GPC5: variants seen among roughly 807,000 people sequenced by gnomAD.
GPC5 encodes the protein glypican 5, also known as glypican-5.
In GPC5, 47 loss-of-function variants were observed where a neutral mutation model predicts 53.9. The observed-to-expected ratio is 0.87, with a 90% CI of 0.69 to 1.11. The LOEUF (loss-of-function observed/expected upper bound fraction) is 1.11. Among genes scored for constraint, GPC5 ranks in the 50% most tolerant of loss-of-function variants. The pLI, the probability that GPC5 is intolerant of heterozygous loss-of-function variation, is 0.00. For missense variants in GPC5, 748 were observed against 713.1 expected (o/e 1.05, Z -0.56); for synonymous variants, 286 against 263.3 (o/e 1.09, Z -0.84).
intron 7 of GPC5, among the ~76,000 whole-genome samples, chr13:92,841,084 A>G (rs538821893): frequency 3.3e-5 from 5 of 152,120 alleles, no homozygotes; most frequent in Non-Finnish European, 5.9e-5. Context: ...TTCCTTTCCA[A>G]TTCATATGCC....
At chr13:91,658,389 T>TG (rs2034899777) in intron 2 of GPC5, among the ~76,000 whole-genome samples, 1 of 141,256 alleles carries the variant, frequency 7.1e-6, no homozygotes, top group Admixed American at 7.0e-5. Context: ...GGGGAATTTT[T>TG]TGGGGGGATA....
At chr13:92,239,786 C>T (rs1203948252) in intron 7 of GPC5, 2 of 34,112 alleles carry the variant, frequency 5.9e-5, no homozygotes, top group African/African-American at 2.0e-4. Context: ...GCTGGATTTC[C>T]ACCTGCAAAT....
At chr13:92,063,348 G>A (rs570911875) in intron 6 of GPC5, among the ~76,000 whole-genome samples, 1 of 152,038 alleles carries the variant, frequency 6.6e-6, no homozygotes, top group African/African-American at 2.4e-5. Flanking sequence ...AAAATGTCAT[G>A]GTGAAGTATT....
chr13:92,599,073 C>A (rs1252488711), intron 7 of GPC5, among the ~76,000 whole-genome samples: 2 of 151,960 alleles, frequency 1.3e-5, no homozygotes, highest in Middle Eastern at 3.2e-3. Context: ...TTGGTTTTTA[C>A]AAAACAATAA....
intron 5 of GPC5, among the ~76,000 whole-genome samples, chr13:91,826,696 T>C (rs2038581167): frequency 6.6e-6 from 1 of 152,002 alleles, no homozygotes; most frequent in African/African-American, 2.4e-5. Flanking sequence ...AATTGACAAA[T>C]AGATCACTAA....
chr13:92,241,736 T>C (rs1393930378), intron 7 of GPC5: 1 of 152,172 alleles, frequency 6.6e-6, no homozygotes, highest in Non-Finnish European at 1.5e-5. Flanking sequence ...TTCTCTATTT[T>C]CATCTAAAAG....
rs1956418734 is a variant in GPC5 at position 91,613,382 on chromosome 13, C to T, written c.326-79805C>T. 2.0e-5 allele frequency among the ~76,000 whole-genome samples: 3 copies of T among 152,196 alleles called. 1 individual carries two copies. The highest frequency in any genetic ancestry group is 1.9e-4 in the East Asian group (1 of 5,176). On this transcript the variant is annotated intron_variant, in intron 2 of 7. Coordinates refer to ENST00000377067, the MANE Select transcript of GPC5 (RefSeq NM_004466.6). Reference sequence around the variant, plus strand: ...AGATTTAATAAGACTTATTCACTATCGCAAGAATAGTATGGGGGAATCTGA... The same window carrying T: ...AGATTTAATAAGACTTATTCACTATTGCAAGAATAGTATGGGGGAATCTGA...
At chr13:92,372,474 T>A (rs1426515825) in intron 7 of GPC5, among the ~76,000 whole-genome samples, 4 of 152,224 alleles carry the variant, frequency 2.6e-5, no homozygotes, top group Non-Finnish European at 5.9e-5. Flanking sequence ...ATGATATCAG[T>A]GACACTCCCC....
chr13:91,845,850 G>C (rs966938845), intron 5 of GPC5, among the ~76,000 whole-genome samples: 2 of 152,128 alleles, frequency 1.3e-5, no homozygotes, highest in Non-Finnish European at 1.5e-5. Flanking sequence ...CTTACTAGCT[G>C]CATGATTTGA....
Position 91,542,850 on chromosome 13 carries a change from ATTT to A in GPC5, c.325+93950_325+93952del, listed in dbSNP as rs3055888. ...AGGCATGCATCACCATGCCCAGCCA[ATTT>A]TTTTTTTTTTTTTTTTTTTTTGAGA... On this transcript the variant is annotated intron_variant, in intron 2 of 7. Coordinates refer to ENST00000377067, the MANE Select transcript of GPC5 (RefSeq NM_004466.6). Among the ~76,000 whole-genome samples, 178 of 68,216 alleles carry A rather than the reference ATTT, an allele frequency of 2.6e-3. 2 individuals are homozygous for A. The highest frequency in any genetic ancestry group is 8.0e-3 in the African/African-American group (149 of 18,726). The allele number at this position is 68,216 out of a possible 152,430, so 44.8% of individuals were successfully genotyped here.
chr13:92,135,703 T>C (rs2041778797), intron 6 of GPC5, among the ~76,000 whole-genome samples: 1 of 152,258 alleles, frequency 6.6e-6, no homozygotes, highest in Admixed American at 6.5e-5. Flanking sequence ...CAGACTGCAT[T>C]GCATAAACCA....
At chr13:92,506,027 C>G (rs904556790) in intron 7 of GPC5, among the ~76,000 whole-genome samples, 2 of 152,104 alleles carry the variant, frequency 1.3e-5, no homozygotes, top group African/African-American at 4.8e-5. Context: ...GTTCGGCCTT[C>G]TTTTCGGAGT....
At chr13:91,795,308 C>A (rs2038029423) in intron 5 of GPC5, among the ~76,000 whole-genome samples, 1 of 152,132 alleles carries the variant, frequency 6.6e-6, no homozygotes, top group South Asian at 2.1e-4. Flanking sequence ...ATAAGCCATG[C>A]ACTTTAAAAA....
intron 7 of GPC5, among the ~76,000 whole-genome samples, chr13:92,516,307 G>T (rs946394938): frequency 6.6e-6 from 1 of 151,852 alleles, no homozygotes; most frequent in African/African-American, 2.4e-5. Flanking sequence ...ATTAACATTG[G>T]CATAAAATAC....
intron 7 of GPC5, among the ~76,000 whole-genome samples, chr13:92,550,527 A>G (rs1346217447): frequency 6.6e-6 from 1 of 151,852 alleles, no homozygotes; most frequent in Non-Finnish European, 1.5e-5. Flanking sequence ...TTCAATCAGG[A>G]TCCAGAGGCC....
chr13:92,438,995 T>G (rs973098399), intron 7 of GPC5, among the ~76,000 whole-genome samples: 3 of 152,162 alleles, frequency 2.0e-5, no homozygotes, highest in African/African-American at 7.2e-5. Flanking sequence ...TTGGATATAC[T>G]GGTCTGGAGC....
At position 92,651,167 on chromosome 13, in the gene GPC5, T is replaced by TTATA. The variant is rs140734863; in HGVS notation, c.1562-215107_1562-215104dup. ...GAGCTAATACTTAATAAACTCCCCT[T>TTATA]TATATATATATGTATATCTATCCTA... On this transcript the variant is annotated intron_variant, in intron 7 of 7. Transcript: ENST00000377067. 4.6e-5 allele frequency among the ~76,000 whole-genome samples: 7 copies of TTATA among 151,586 alleles called. No homozygotes were observed. The South Asian group carries it at 8.3e-4, about 18-fold the overall frequency.
At chr13:91,572,389 AG>A (rs1321940543) in intron 2 of GPC5, among the ~76,000 whole-genome samples, 1 of 151,804 alleles carries the variant, frequency 6.6e-6, no homozygotes, top group Admixed American at 6.6e-5. Context: ...TATCTGAGAC[AG>A]GGTGATCTAT....
intron 7 of GPC5, among the ~76,000 whole-genome samples, chr13:92,259,765 C>A (rs2042752151): frequency 6.6e-6 from 1 of 152,150 alleles, no homozygotes; most frequent in Non-Finnish European, 1.5e-5. Flanking sequence ...TCCCTTAAAG[C>A]TCCCTTGACT....
Sources: allele counts gnomAD v4.1 joint callset (sites outside exome capture counted in the v4.1 genomes callset), GRCh38; gene constraint gnomAD v4.1.1; transcripts MANE v1.5; gene names NCBI Gene and HGNC (gene_info 2026-07-23, HGNC 2026-07-21).